The following ALDH18A1 variants were observed in gnomAD, a reference collection of about 807,000 sequenced individuals.
ALDH18A1 encodes delta-1-pyrroline-5-carboxylate synthase.
A neutral mutation model predicts 88.8 loss-of-function variants in ALDH18A1; 44 were observed. The ratio of observed to expected loss-of-function variants is 0.50; its 90% CI spans 0.39 to 0.64. The LOEUF (loss-of-function observed/expected upper bound fraction) is 0.64, where lower values mean the gene tolerates loss of function less well. Among genes scored for constraint, ALDH18A1 ranks in the 30% least tolerant of loss-of-function variants. The probability of loss-of-function intolerance (pLI) is 0.00; values close to 1 mark genes in which losing one functional copy is unlikely to be tolerated. For missense variants in ALDH18A1, 782 were observed against 1,009.5 expected, an observed-to-expected ratio of 0.77 and a Z score of 3.05; for synonymous variants, 331 against 372.1, an observed-to-expected ratio of 0.89 and a Z score of 1.27.
chr10:95,626,154 A>G (rs2097860086), intron 10 of ALDH18A1, among the ~76,000 whole-genome samples: 1 of 145,316 alleles, frequency 6.9e-6, no homozygotes, highest in Non-Finnish European at 1.5e-5. Flanking sequence ...CTCAGGCCAA[A>G]GGATTCACTA....
intron 10 of ALDH18A1, among the ~76,000 whole-genome samples, chr10:95,625,755 G>GA (rs1172189409): frequency 1.8e-4 from 24 of 136,122 alleles, no homozygotes; most frequent in Admixed American, 2.2e-4. Context: ...GGAGTCATAA[G>GA]AAAAAAAAAA....
intron 7 of ALDH18A1, 63 bp downstream of exon 7, chr10:95,632,894 CAT>C: frequency 3.0e-6 from 4 of 1,352,364 alleles, no homozygotes; most frequent in Middle Eastern, 1.8e-4. Flanking sequence ...GAGGGAAACT[CAT>C]GTGCTCACAT....
chr10:95,654,741 T>C (rs1566054462), intron 1 of ALDH18A1, among the ~76,000 whole-genome samples: 1 of 151,344 alleles, frequency 6.6e-6, no homozygotes, highest in Admixed American at 6.6e-5. Flanking sequence ...ATCTTTGTTA[T>C]TTCAATTTTT....
chr10:95,637,587 T>A, intron 3 of ALDH18A1, 151 bp from the exon 4 acceptor site: 1 of 879,556 alleles, frequency 1.1e-6, no homozygotes. Flanking sequence ...ATCAGCCAGA[T>A]TGGTAAAAAC....
intron 5 of ALDH18A1, among the ~76,000 whole-genome samples, chr10:95,636,067 C>G (rs935336918): frequency 1.3e-5 from 2 of 152,198 alleles, no homozygotes; most frequent in African/African-American, 2.4e-5. Flanking sequence ...CCGTGCCTTT[C>G]TGTTTTACCT....
At chr10:95,656,100 T>C (rs1437459614) in intron 1 of ALDH18A1, among the ~76,000 whole-genome samples, 1 of 152,052 alleles carries the variant, frequency 6.6e-6, no homozygotes, top group Non-Finnish European at 1.5e-5. Context: ...GAGGGGATGA[T>C]GAACGCCTGG....
intron 7 of ALDH18A1, among the ~76,000 whole-genome samples, chr10:95,630,128 C>T (rs1045058486): frequency 3.3e-5 from 5 of 152,144 alleles, no homozygotes; most frequent in East Asian, 1.9e-4. Flanking sequence ...CCCCCTCTCC[C>T]AACAGGGTCT....
chr10:95,644,786 T>G (rs1435971791), intron 2 of ALDH18A1, among the ~76,000 whole-genome samples: 1 of 152,242 alleles, frequency 6.6e-6, no homozygotes, highest in Non-Finnish European at 1.5e-5. Flanking sequence ...GAGACATGCT[T>G]TCTTCCCTTC....
chr10:95,646,423 G>A (rs1352723847), intron 2 of ALDH18A1, among the ~76,000 whole-genome samples: 1 of 152,150 alleles, frequency 6.6e-6, no homozygotes, highest in Non-Finnish European at 1.5e-5. Flanking sequence ...AACAGCAGTA[G>A]ATAAGGCCTG....
In ALDH18A1 at chr10:95,606,842, C is replaced by G; in HGVS notation, c.2308G>C (p.Val770Leu). 3 of 1,614,202 alleles carry G rather than the reference C, an allele frequency of 1.9e-6. No homozygotes were observed. Among genetic ancestry groups the G allele is most frequent in the Non-Finnish European group, 2.5e-6 (3 of 1,180,036 alleles). Residue 770 changes from valine (V) to leucine (L), a missense_variant, in exon 18 of 18, where the codon GTG (valine) becomes CTG (leucine). Physicochemically the swap from Val to Leu is conservative, Grantham distance 32. This residue lies in a region of ALDH18A1 where 556 missense variants were observed against 654.5 expected (regional missense o/e 0.85). Transcript: ENST00000371224. Reference protein sequence around the residue: ...TKWLLRGKDHVVSDFSEHGSL... With the variant: ...TKWLLRGKDHLVSDFSEHGSL... ...CCATGCTCTGAGAAATCTGAGACCA[C>G]GTGGTCCTTCCCTCGCAGCAGCCAC... is the stretch of plus-strand genomic sequence containing the variant.
chr10:95,646,167 G>A (rs945776354), intron 2 of ALDH18A1, among the ~76,000 whole-genome samples: 2 of 152,126 alleles, frequency 1.3e-5, no homozygotes, highest in Admixed American at 6.6e-5. Flanking sequence ...TCTCCTGTCT[G>A]CTGGAGGGCC....
chr10:95,615,648 A>G (rs1291903468), intron 13 of ALDH18A1, among the ~76,000 whole-genome samples: 3 of 152,214 alleles, frequency 2.0e-5, no homozygotes, highest in African/African-American at 7.2e-5. Context: ...CGCTCTTTCC[A>G]ACCACTATGT....
chr10:95,613,683 G>C, intron 15 of ALDH18A1, 59 bp downstream of exon 15: 1 of 1,600,918 alleles, frequency 6.2e-7, no homozygotes. Flanking sequence ...GCTGTGCCTG[G>C]TCTAATTCCA....
chr10:95,606,662 C>T lies in ALDH18A1; in HGVS notation c.*100G>A. 1 of 1,610,310 alleles carries T rather than the reference C, an allele frequency of 6.2e-7. No individual in the cohort carries two copies. The highest frequency in any genetic ancestry group is 2.2e-5 in the East Asian group (1 of 44,862). On this transcript the variant is annotated 3_prime_UTR_variant, in exon 18 of 18. Transcript: ENST00000371224. Reference sequence around the variant, plus strand: ...CCAGGTACACTTTCCAACAGGCAGACCCTACCAGGAACTGGGAGACAAGAG... The same window carrying T: ...CCAGGTACACTTTCCAACAGGCAGATCCTACCAGGAACTGGGAGACAAGAG...
intron 13 of ALDH18A1, 33 bp downstream of exon 13, chr10:95,616,444 T>G (rs1196209375): frequency 6.4e-7 from 1 of 1,553,922 alleles, no homozygotes; most frequent in East Asian, 2.4e-5. Context: ...CTGGCCCCTC[T>G]GGGCCTGACT....
intron 2 of ALDH18A1, among the ~76,000 whole-genome samples, 199 bp downstream of exon 2, chr10:95,653,091 G>A (rs1038414600): frequency 6.6e-6 from 1 of 151,894 alleles, no homozygotes; most frequent in Admixed American, 6.6e-5. Flanking sequence ...GGTGGGCTGA[G>A]GCAGGAGGAT....
intron 3 of ALDH18A1, among the ~76,000 whole-genome samples, chr10:95,641,241 C>A (rs1247059811): frequency 6.6e-6 from 1 of 152,118 alleles, no homozygotes; most frequent in Admixed American, 6.6e-5. Context: ...ATCTGAGTTT[C>A]CCACCTCTGG....
At chr10:95,626,642 G>C in intron 10 of ALDH18A1, 61 bp downstream of exon 10, 1 of 1,542,392 alleles carries the variant, frequency 6.5e-7, no homozygotes, top group Non-Finnish European at 9.0e-7. Flanking sequence ...TTTGACTCCT[G>C]TAACTACACA....
chr10:95,626,772 A>G lies in ALDH18A1; in HGVS notation c.1083T>C (p.Pro361=), dbSNP rs886047512. 6.2e-7 allele frequency: 1 copy of G among 1,613,944 alleles called. No individual in the cohort carries two copies. Among genetic ancestry groups the G allele is most frequent in the African/African-American group, 1.3e-5 (1 of 75,016 alleles). The change falls in exon 10 of 18, where the codon CCT becomes CCC. Residue 361 remains proline, a synonymous_variant. Coordinates refer to ENST00000371224, the MANE Select transcript of ALDH18A1 (RefSeq NM_002860.4). The part of the protein sequence containing the change: ...TFFSEVKPAG[P]TVEQQGEMAR... ...CCATTTCTCCCTGCTGCTCAACAGTAGGGCCTGCAAGAATATGTGCAAATA... is the reference window on the plus strand; with the variant it reads ...CCATTTCTCCCTGCTGCTCAACAGTGGGGCCTGCAAGAATATGTGCAAATA...
Sources: allele counts gnomAD v4.1 joint callset (sites outside exome capture counted in the v4.1 genomes callset), GRCh38; gene constraint gnomAD v4.1.1; regional missense constraint gnomAD v4.1.1; transcripts MANE v1.5; gene names NCBI Gene and HGNC (gene_info 2026-07-23, HGNC 2026-07-21).